ANO10: variants seen among roughly 807,000 people sequenced by gnomAD.
ANO10 encodes the protein anoctamin 10.
A neutral mutation model predicts 74.7 loss-of-function variants in ANO10; 77 were observed. That is an observed-to-expected ratio of 1.03 (90% CI 0.86 to 1.25). The LOEUF is 1.25. ANO10 is among the 50% of genes most tolerant of loss of function. The probability of loss-of-function intolerance (pLI) is 0.00; values close to 1 mark genes in which losing one functional copy is unlikely to be tolerated. For missense variants in ANO10, 721 were observed against 778.1 expected, an observed-to-expected ratio of 0.93 and a Z score of 0.87; for synonymous variants, 279 against 284.9, an observed-to-expected ratio of 0.98 and a Z score of 0.21.
chr3:43,438,992 C>A (rs1250217743), intron 11 of ANO10, among the ~76,000 whole-genome samples: 13 of 152,002 alleles, frequency 8.6e-5, no homozygotes, highest in Admixed American at 8.5e-4. Context: ...GAAATAATAG[C>A]TGGAAACTTA....
intron 11 of ANO10, among the ~76,000 whole-genome samples, chr3:43,521,620 C>T (rs1439836947): frequency 6.6e-6 from 1 of 152,094 alleles, no homozygotes; most frequent in African/African-American, 2.4e-5. Flanking sequence ...ACTAGGTTAG[C>T]TATAATTTAG....
At chr3:43,453,336 T>C (rs1057286970) in intron 11 of ANO10, among the ~76,000 whole-genome samples, 1 of 152,042 alleles carries the variant, frequency 6.6e-6, no homozygotes, top group African/African-American at 2.4e-5. Flanking sequence ...CCCGCCACTG[T>C]GCCCGGCTAA....
chr3:43,497,812 TG>T (rs2076968859), intron 11 of ANO10, among the ~76,000 whole-genome samples: 1 of 152,216 alleles, frequency 6.6e-6, no homozygotes, highest in African/African-American at 2.4e-5. Context: ...ATTTTTATTC[TG>T]TATTTCTATT....
intron 11 of ANO10, among the ~76,000 whole-genome samples, chr3:43,440,096 A>G (rs983628048): frequency 2.0e-5 from 3 of 152,190 alleles, no homozygotes; most frequent in Non-Finnish European, 4.4e-5. Context: ...AAAAAAAATC[A>G]ACAAAATACA....
At chr3:43,654,807 C>A (rs1168206393) in intron 1 of ANO10, among the ~76,000 whole-genome samples, 1 of 152,170 alleles carries the variant, frequency 6.6e-6, no homozygotes, top group Non-Finnish European at 1.5e-5. Context: ...GTGCACTGGA[C>A]TGGTGAAAAA....
rs1575781923 is a variant in ANO10 at position 43,432,806 on chromosome 3, C to A, written c.1798-79G>T. On this transcript the variant is annotated intron_variant, in intron 11 of 12. Transcript: ENST00000292246. The stretch of plus-strand genomic sequence containing the variant: ...GGAAATAAATTGATATCTAAGCAAT[C>A]TAGGATTATTTATATTAATCTTGGG... 1.9e-5 allele frequency: 18 copies of A among 972,176 alleles called. No homozygotes were observed. The East Asian group carries it at 4.2e-4, about 22-fold the overall frequency. 60.2% of individuals were successfully genotyped at this position (972,176 alleles called of 1,614,324 possible).
intron 12 of ANO10, among the ~76,000 whole-genome samples, chr3:43,430,291 T>A (rs2148935558): frequency 6.6e-6 from 1 of 152,172 alleles, no homozygotes; most frequent in South Asian, 2.1e-4. Context: ...GAAGTTTTCA[T>A]TTTTCATGTA....
At position 43,398,442 on chromosome 3, in the gene ANO10, C is replaced by T. The variant is rs940928354; in HGVS notation, c.1915-31468G>A. ...AGTAATATATCGCTTTGTAAAAATT[C>T]AAATAATACAGGCATTATAGAGAAT... On this transcript the variant is annotated intron_variant, in intron 12 of 12. Transcript: ENST00000292246. Among the ~76,000 whole-genome samples the T allele has an allele frequency of 6.6e-5, 10 of 152,308 alleles. No individual in the cohort carries two copies. The East Asian group carries it at 7.7e-4, about 12-fold the overall frequency.
intron 2 of ANO10, among the ~76,000 whole-genome samples, chr3:43,601,035 C>T (rs115793991): frequency 0.018 from 2,718 of 152,078 alleles, 72 homozygotes; most frequent in African/African-American, 0.06. Flanking sequence ...TACTAAATAA[C>T]AAAAAGCAAT....
At chr3:43,635,272 C>T (rs2083593348) in intron 1 of ANO10, among the ~76,000 whole-genome samples, 1 of 152,180 alleles carries the variant, frequency 6.6e-6, no homozygotes, top group African/African-American at 2.4e-5. Flanking sequence ...GACTGCAAAA[C>T]ATTCAGAGCT....
At chr3:43,511,512 T>G (rs1479644963) in intron 11 of ANO10, among the ~76,000 whole-genome samples, 3 of 152,204 alleles carry the variant, frequency 2.0e-5, no homozygotes, top group Admixed American at 2.0e-4. Context: ...TTAAGCATCT[T>G]TCTTCACGTG....
At chr3:43,441,815 G>A (rs568239412) in intron 11 of ANO10, among the ~76,000 whole-genome samples, 79 of 152,142 alleles carry the variant, frequency 5.2e-4, no homozygotes, top group Non-Finnish European at 8.1e-4. Flanking sequence ...GCATGACCAA[G>A]TGGGATTTAT....
At chr3:43,628,945 G>A (rs577462758) in intron 1 of ANO10, among the ~76,000 whole-genome samples, 1 of 152,198 alleles carries the variant, frequency 6.6e-6, no homozygotes, top group African/African-American at 2.4e-5. Context: ...CTGTGATCTC[G>A]CCCTGCCTCC....
chr3:43,545,499 G>A (rs1284877280), intron 11 of ANO10, among the ~76,000 whole-genome samples: 1 of 152,054 alleles, frequency 6.6e-6, no homozygotes, highest in Non-Finnish European at 1.5e-5. Context: ...CCGAGTAGCT[G>A]GGATTACAGG....
intron 12 of ANO10, among the ~76,000 whole-genome samples, chr3:43,370,398 C>T (rs930750030): frequency 6.6e-6 from 1 of 152,196 alleles, no homozygotes; most frequent in Non-Finnish European, 1.5e-5. Context: ...TCACCTTTCA[C>T]AAATAAGCGA....
At chr3:43,555,552 C>G in intron 9 of ANO10, 83 bp from the exon 10 acceptor site, 1 of 1,396,996 alleles carries the variant, frequency 7.2e-7, no homozygotes, top group Non-Finnish European at 9.9e-7. Flanking sequence ...GCTGTGGCCT[C>G]TAACTATTCA....
chr3:43,396,077 T>A (rs568979401), intron 12 of ANO10, among the ~76,000 whole-genome samples: 1,948 of 139,778 alleles, frequency 0.014, 19 homozygotes, highest in Non-Finnish European at 0.02. Context: ...TATTTATTTA[T>A]TTTTTTTTTT....
intron 11 of ANO10, among the ~76,000 whole-genome samples, chr3:43,502,355 G>A (rs2077129833): frequency 6.6e-6 from 1 of 152,150 alleles, no homozygotes. Flanking sequence ...CTCATGAAAG[G>A]TTTGGTGCCA....
At chr3:43,557,239 C>T (rs762967131) in intron 9 of ANO10, among the ~76,000 whole-genome samples, 10 of 151,770 alleles carry the variant, frequency 6.6e-5, no homozygotes, top group African/African-American at 9.7e-5. Context: ...GGCAACCAGA[C>T]GTCAACACAT....
Sources: allele counts gnomAD v4.1 joint callset (sites outside exome capture counted in the v4.1 genomes callset), GRCh38; gene constraint gnomAD v4.1.1; transcripts MANE v1.5; gene names NCBI Gene and HGNC (gene_info 2026-07-23, HGNC 2026-07-21).